CSMD1: variants seen among roughly 807,000 people sequenced by gnomAD.
The protein encoded by CSMD1 is CUB and Sushi multiple domains 1, also known as CUB and sushi domain-containing protein 1.
CSMD1 carries 213 observed loss-of-function variants against 417.5 expected under a neutral mutation model. The observed-to-expected ratio is 0.51, with a 90% CI of 0.46 to 0.57. The LOEUF (loss-of-function observed/expected upper bound fraction) is 0.57. Among genes scored for constraint, CSMD1 ranks in the 20% least tolerant of loss-of-function variants. CSMD1 has a pLI of 0.00. For missense variants in CSMD1, 6,923 were observed against 4,529.7 expected (o/e 1.53, Z -15.17); for synonymous variants, 2,862 against 1,736.8 (o/e 1.65, Z -16.11).
intron 3 of CSMD1, among the ~76,000 whole-genome samples, chr8:4,345,454 A>G (rs996891916): frequency 5.9e-5 from 9 of 152,038 alleles, no homozygotes; most frequent in East Asian, 1.9e-4. Context: ...GAAAAAATAG[A>G]TAACTGGAAT....
chr8:3,064,368 G>A (rs1029566038), intron 49 of CSMD1, among the ~76,000 whole-genome samples: 2 of 152,034 alleles, frequency 1.3e-5, no homozygotes, highest in Admixed American at 6.6e-5. Flanking sequence ...GTGGCATTTC[G>A]CCCCTAGCTC....
chr8:3,020,313 A>C (rs953652198), intron 51 of CSMD1, among the ~76,000 whole-genome samples: 7 of 152,216 alleles, frequency 4.6e-5, no homozygotes, highest in Non-Finnish European at 1.0e-4. Flanking sequence ...AAAAACCTTT[A>C]GAGATAATTC....
At position 3,428,250 on chromosome 8, in the gene CSMD1, C is replaced by A. The variant is rs539303320; in HGVS notation, c.1562-18645G>T. Among the ~76,000 whole-genome samples the A allele has an allele frequency of 8.2e-4, 121 of 146,704 alleles. 3 individuals are homozygous for A. In the Middle Eastern group the frequency reaches 0.011, roughly 13 times the overall value. On this transcript the variant is annotated intron_variant, in intron 12 of 69. Transcript: ENST00000635120. Reference sequence around the variant, plus strand: ...TGTTAAACACTCGAGGAAGGGGGGACCTTAAAAGTCACTTTAGAAAACAAA... The same window carrying A: ...TGTTAAACACTCGAGGAAGGGGGGAACTTAAAAGTCACTTTAGAAAACAAA...
At chr8:4,042,443 A>T (rs992945938) in intron 3 of CSMD1, among the ~76,000 whole-genome samples, 1 of 152,138 alleles carries the variant, frequency 6.6e-6, no homozygotes, top group Non-Finnish European at 1.5e-5. Flanking sequence ...AAATAAATTT[A>T]TATGACAAAA....
chr8:4,127,826 T>G (rs993023375), intron 3 of CSMD1, among the ~76,000 whole-genome samples: 2 of 152,168 alleles, frequency 1.3e-5, no homozygotes, highest in Non-Finnish European at 2.9e-5. Flanking sequence ...TATTTATCAT[T>G]CTTATTATTA....
chr8:3,569,520 T>C (rs1044402335), intron 10 of CSMD1, among the ~76,000 whole-genome samples: 3 of 152,218 alleles, frequency 2.0e-5, no homozygotes, highest in Non-Finnish European at 4.4e-5. Context: ...CCTATCTTAT[T>C]TCTTAAAGTT....
At chr8:4,978,641 T>G (rs548084419) in intron 1 of CSMD1, among the ~76,000 whole-genome samples, 1 of 152,012 alleles carries the variant, frequency 6.6e-6, no homozygotes, top group East Asian at 1.9e-4. Flanking sequence ...AAGTAAGCAG[T>G]TAGAAAAATA....
At chr8:3,906,404 T>C (rs1451491100) in intron 5 of CSMD1, among the ~76,000 whole-genome samples, 3 of 152,172 alleles carry the variant, frequency 2.0e-5, no homozygotes, top group African/African-American at 7.2e-5. Context: ...TGTAATCTGT[T>C]TTTAACGAAC....
chr8:4,936,575 G>C (rs545454029), intron 1 of CSMD1, among the ~76,000 whole-genome samples: 1 of 152,266 alleles, frequency 6.6e-6, no homozygotes, highest in Non-Finnish European at 1.5e-5. Flanking sequence ...ATTTTAAGTA[G>C]ACCTACCTGT....
At chr8:4,063,437 A>C (rs1467043714) in intron 3 of CSMD1, among the ~76,000 whole-genome samples, 1 of 152,204 alleles carries the variant, frequency 6.6e-6, no homozygotes, top group Non-Finnish European at 1.5e-5. Flanking sequence ...AAATGAATAC[A>C]ATGTCCTTAG....
intron 2 of CSMD1, among the ~76,000 whole-genome samples, chr8:4,554,727 T>C (rs988308634): frequency 3.3e-5 from 5 of 152,210 alleles, no homozygotes; most frequent in Admixed American, 1.3e-4. Flanking sequence ...GTTTTACTAT[T>C]GTAGTGATGT....
chr8:4,944,066 T>C (rs567273191), intron 1 of CSMD1, among the ~76,000 whole-genome samples: 1 of 152,160 alleles, frequency 6.6e-6, no homozygotes, highest in Non-Finnish European at 1.5e-5. Flanking sequence ...AGGAAGATGT[T>C]TGATAGACAG....
At chr8:4,633,703 C>G (rs553147628) in intron 2 of CSMD1, among the ~76,000 whole-genome samples, 3 of 152,084 alleles carry the variant, frequency 2.0e-5, no homozygotes, top group African/African-American at 2.4e-5. Flanking sequence ...CTTACAGATG[C>G]CTGCCACCAT....
intron 2 of CSMD1, among the ~76,000 whole-genome samples, chr8:4,577,022 G>C (rs1400415385): frequency 6.6e-6 from 1 of 152,072 alleles, no homozygotes; most frequent in Non-Finnish European, 1.5e-5. Flanking sequence ...ATTAGATCTT[G>C]AATTTTTATT....
chr8:3,015,996 C>T (rs890887309), intron 52 of CSMD1, among the ~76,000 whole-genome samples: 1 of 152,152 alleles, frequency 6.6e-6, no homozygotes, highest in African/African-American at 2.4e-5. Context: ...ACACAACACA[C>T]TCCTCCTTAT....
At chr8:4,481,153 G>C (rs893359770) in intron 2 of CSMD1, among the ~76,000 whole-genome samples, 4 of 152,196 alleles carry the variant, frequency 2.6e-5, no homozygotes, top group Admixed American at 6.5e-5. Flanking sequence ...ACACATGTAA[G>C]ATTCCGAATA....
At chr8:3,216,102 T>C (rs930392825) in intron 29 of CSMD1, among the ~76,000 whole-genome samples, 1 of 150,754 alleles carries the variant, frequency 6.6e-6, no homozygotes, top group African/African-American at 2.4e-5. Flanking sequence ...GATTAAATGA[T>C]ACATATATAT....
At chr8:3,865,923 C>T (rs1181597303) in intron 5 of CSMD1, among the ~76,000 whole-genome samples, 1 of 152,116 alleles carries the variant, frequency 6.6e-6, no homozygotes, top group Non-Finnish European at 1.5e-5. Context: ...CATTAATTAA[C>T]TCCTCATGTT....
intron 23 of CSMD1, among the ~76,000 whole-genome samples, chr8:3,314,407 A>C (rs1805593608): frequency 6.6e-6 from 1 of 152,230 alleles, no homozygotes; most frequent in African/African-American, 2.4e-5. Context: ...AAAAACATAC[A>C]GAAGGTATCC....
Sources: gnomAD v4.1 joint callset for allele counts (sites outside exome capture counted in the v4.1 genomes callset) on GRCh38, gnomAD v4.1.1 for gene constraint, MANE v1.5 for transcripts, NCBI Gene and HGNC (gene_info 2026-07-23, HGNC 2026-07-21) for gene names.